Variants in COL4A2 observed in about 807,000 individuals in gnomAD.
The protein encoded by COL4A2 is collagen type IV alpha 2 chain.
COL4A2 carries 99 observed loss-of-function variants against 200.2 expected under a neutral mutation model. That is an observed-to-expected ratio of 0.49 (90% CI 0.42 to 0.58). The LOEUF is 0.58. COL4A2 is among the 20% of genes least tolerant of loss of function. The pLI is 0.00. For synonymous variants in COL4A2, 897 were observed against 900.6 expected (o/e 1.00, Z 0.07); for missense variants, 1,950 against 2,314.1 (o/e 0.84, Z 3.23).
chr13:110,405,335 G>A (rs1439341324), intron 4 of COL4A2, among the ~76,000 whole-genome samples: 1 of 152,154 alleles, frequency 6.6e-6, no homozygotes, highest in Non-Finnish European at 1.5e-5. Context: ...TTCGGGAAGG[G>A]TGGGACTCAT....
chr13:110,406,532 G>C (rs1200207982), intron 4 of COL4A2, among the ~76,000 whole-genome samples: 2 of 152,184 alleles, frequency 1.3e-5, no homozygotes, highest in African/African-American at 4.8e-5. Flanking sequence ...CCATCCTAGA[G>C]CACATCCCAG....
chr13:110,457,633 G>A (rs1197247362), intron 21 of COL4A2, 198 bp downstream of exon 21: 1 of 686,566 alleles, frequency 1.5e-6, no homozygotes. Context: ...TGAGCACTCG[G>A]CCCCCAGGCT....
chr13:110,470,327 T>C (rs1208972989), intron 28 of COL4A2, among the ~76,000 whole-genome samples: 1 of 152,106 alleles, frequency 6.6e-6, no homozygotes, highest in African/African-American at 2.4e-5. Flanking sequence ...TCCTGCAGCC[T>C]CTGCTGGAGT....
chr13:110,346,751 T>C (rs891275238), intron 3 of COL4A2, among the ~76,000 whole-genome samples: 4 of 152,162 alleles, frequency 2.6e-5, no homozygotes, highest in Admixed American at 2.0e-4. Flanking sequence ...GTGTTTGCTG[T>C]GTAGGTTCCA....
chr13:110,492,257 C>T, intron 38 of COL4A2, 80 bp downstream of exon 38: 1 of 1,276,186 alleles, frequency 7.8e-7, no homozygotes, highest in Non-Finnish European at 1.1e-6. Context: ...AGGCCAGCCT[C>T]TCTCAGGGCG....
At chr13:110,364,345 G>A (rs1040172159) in intron 4 of COL4A2, among the ~76,000 whole-genome samples, 1 of 152,178 alleles carries the variant, frequency 6.6e-6, no homozygotes, top group Non-Finnish European at 1.5e-5. Context: ...ACTGGGTCCC[G>A]TGATTATTTT....
intron 41 of COL4A2, chr13:110,502,485 C>G (rs1249899230): frequency 6.6e-6 from 1 of 152,344 alleles, no homozygotes; most frequent in Non-Finnish European, 1.5e-5. Context: ...CCACCAAGCC[C>G]AGATGATTTT....
chr13:110,482,493 C>T (rs772133256), intron 31 of COL4A2, 23 bp from the exon 32 acceptor site: 2 of 1,610,958 alleles, frequency 1.2e-6, no homozygotes, highest in Non-Finnish European at 1.7e-6. Context: ...TCTAACCCAG[C>T]ACTTTTCTCT....
intron 20 of COL4A2, 27 bp downstream of exon 20, chr13:110,450,481 G>T (rs768782012): frequency 1.2e-6 from 2 of 1,612,184 alleles, no homozygotes; most frequent in East Asian, 4.5e-5. Flanking sequence ...AAAAGGGAGG[G>T]TGTAGCCTAA....
Position 110,428,468 on chromosome 13 carries a change from G to A in COL4A2, c.362G>A (p.Gly121Glu). The change falls in exon 7 of 48, where the codon GGA (glycine) becomes GAA (glutamate). Residue 121 changes from glycine to glutamate, a missense_variant and splice_region_variant. Gly to Glu is a moderately conservative substitution (Grantham distance 98). Transcript: ENST00000360467. ...TTCTCTCACTGCTCTCTTTCCCAGG[G>A]ACACCCGGGGCAAGGTGGGCCCAGG... ...SGFPGADGIP[G>E]HPGQGGPRGR... 1 of 1,568,842 alleles carries A rather than the reference G, an allele frequency of 6.4e-7. No individual in the cohort carries two copies.
rs1458711906 is a variant in COL4A2 at position 110,482,601 on chromosome 13, G to A, written c.2844G>A (p.Glu948=). Residue 948 remains glutamate, a synonymous_variant, in exon 32 of 48, where the codon GAG becomes GAA. Transcript: ENST00000360467. ...GRPGFPGSKG[E]AGFFGIPGLK... ...CCGGGTTTCCAGGGAGCAAAGGCGAGGCTGGATTTTTCGGAATACCCGGTC... is the reference window on the plus strand; with the variant it reads ...CCGGGTTTCCAGGGAGCAAAGGCGAAGCTGGATTTTTCGGAATACCCGGTC... The A allele has an allele frequency of 1.2e-6, 2 of 1,614,154 alleles. No homozygotes were observed. The highest frequency in any genetic ancestry group is 1.7e-5 in the Admixed American group (1 of 60,026).
chr13:110,357,672 T>A, intron 4 of COL4A2, 120 bp downstream of exon 4: 2 of 1,409,604 alleles, frequency 1.4e-6, no homozygotes, highest in Non-Finnish European at 1.9e-6. Context: ...TTGAACATAC[T>A]GGAGAGTACT....
At chr13:110,396,883 G>A (rs1050105705) in intron 4 of COL4A2, among the ~76,000 whole-genome samples, 1 of 152,194 alleles carries the variant, frequency 6.6e-6, no homozygotes, top group African/African-American at 2.4e-5. Context: ...CAGATGGTAT[G>A]CATAGAGAGA....
At chr13:110,432,594 A>G (rs1196703525) in intron 11 of COL4A2, among the ~76,000 whole-genome samples, 1 of 152,264 alleles carries the variant, frequency 6.6e-6, no homozygotes, top group African/African-American at 2.4e-5. Context: ...CAAATTAATT[A>G]CCACATGCCT....
At chr13:110,365,267 G>A (rs912094916) in intron 4 of COL4A2, among the ~76,000 whole-genome samples, 88 of 151,992 alleles carry the variant, frequency 5.8e-4, no homozygotes, top group African/African-American at 1.8e-3. Flanking sequence ...TCAGCCTCCC[G>A]AGTAGCTGGG....
At chr13:110,447,271 C>G (rs1489234762) in intron 18 of COL4A2, among the ~76,000 whole-genome samples, 1 of 152,224 alleles carries the variant, frequency 6.6e-6, no homozygotes, top group East Asian at 1.9e-4. Flanking sequence ...CTTAAGCCCT[C>G]TGCTTGCCAG....
Position 110,501,362 on chromosome 13 carries a change from C to T in COL4A2, c.3761-306C>T, listed in dbSNP as rs532897736. Among the ~76,000 whole-genome samples the T allele has an allele frequency of 2.0e-5, 3 of 152,260 alleles. 1 individual carries two copies. The East Asian group carries it at 5.8e-4, about 29-fold the overall frequency. The stretch of plus-strand genomic sequence containing the variant: ...TGTGCCTCGCCTGGTGCTGAGGCTC[C>T]ATCTAAGCATGATCGGGCAGCGCCT... On this transcript the variant is annotated intron_variant, in intron 40 of 47. Transcript: ENST00000360467.
At chr13:110,450,551 T>A (rs1881501744) in intron 20 of COL4A2, 97 bp downstream of exon 20, 13 of 1,426,198 alleles carry the variant, frequency 9.1e-6, no homozygotes, top group Non-Finnish European at 1.2e-5. Flanking sequence ...TAAATGACTC[T>A]GGGAACGAAT....
At chr13:110,385,521 G>GC (rs1878670659) in intron 4 of COL4A2, among the ~76,000 whole-genome samples, 1 of 123,540 alleles carries the variant, frequency 8.1e-6, no homozygotes, top group Non-Finnish European at 1.8e-5. Flanking sequence ...ATAGGCCGTG[G>GC]TTACAGTGCG....
Sources: allele counts gnomAD v4.1 joint callset (sites outside exome capture counted in the v4.1 genomes callset), GRCh38; gene constraint gnomAD v4.1.1; transcripts MANE v1.5; gene names NCBI Gene and HGNC (gene_info 2026-07-23, HGNC 2026-07-21).